The following RPN2 variants were observed in gnomAD, a reference collection of about 807,000 sequenced individuals.
The protein encoded by RPN2 is dolichyl-diphosphooligosaccharide--protein glycosyltransferase subunit 2.
A neutral mutation model predicts 71.4 loss-of-function variants in RPN2; 29 were observed. The ratio of observed to expected loss-of-function variants is 0.41; its 90% CI spans 0.30 to 0.55. RPN2 has a LOEUF of 0.55. Among genes scored for constraint, RPN2 ranks in the 20% least tolerant of loss-of-function variants. RPN2 has a pLI of 0.35. For missense variants in RPN2, 726 were observed against 774.1 expected (o/e 0.94, Z 0.74); for synonymous variants, 308 against 305.0 (o/e 1.01, Z -0.10).
In RPN2 at chr20:37,236,681, C is replaced by A. The variant is rs143714251; in HGVS notation, c.1855C>A (p.Arg619=). The part of the protein sequence containing the change: ...LGSVTFLAGN[R]MLAQQAVKRT... The stretch of plus-strand genomic sequence containing the variant: ...CAGTGTGACGTTTCTGGCTGGCAAT[C>A]GGATGCTGGCCCAGCAGGCAGTCAA... Residue 619 remains arginine (R), a synonymous_variant, in exon 16 of 17, where the codon CGG becomes AGG. Coordinates refer to ENST00000237530, the MANE Select transcript of RPN2 (RefSeq NM_002951.5). 4 of 1,614,046 alleles carry A rather than the reference C, an allele frequency of 2.5e-6. No individual in the cohort carries two copies. The Admixed American group carries it at 6.7e-5, about 27-fold the overall frequency.
chr20:37,217,395 T>C (rs2342977), intron 9 of RPN2, among the ~76,000 whole-genome samples: 123,854 of 151,298 alleles, frequency 0.82, 51,365 homozygotes, highest in Middle Eastern at 0.92. Flanking sequence ...TGGGTTCAAG[T>C]GATTTTCCTG....
At chr20:37,233,904 A>AG in intron 14 of RPN2, 116 bp from the exon 15 acceptor site, 2 of 1,107,558 alleles carry the variant, frequency 1.8e-6, no homozygotes, top group East Asian at 4.9e-5. Flanking sequence ...CTGTCCTTCT[A>AG]GGATGCATGA....
rs762193416 is a variant in RPN2, at chr20:37,210,054, T to C, written c.875T>C (p.Val292Ala). The C allele has an allele frequency of 2.8e-5, 45 of 1,613,916 alleles. 1 individual carries two copies. In the East Asian group the frequency reaches 9.1e-4, roughly 33 times the overall value. The part of the protein sequence containing the change: ...THEQAILRLQ[V>A]TNVLSQPLTQ... ...TTTTTTATTTATTTCCAGTTGCAAG[T>C]CACCAATGTTCTGTCTCAGCCTCTG... Residue 292 changes from valine (V) to alanine (A), a missense_variant, in exon 8 of 17, where the codon GTC (valine) becomes GCC (alanine). Transcript: ENST00000237530.
At chr20:37,199,427 A>G (rs1038887694) in intron 4 of RPN2, among the ~76,000 whole-genome samples, 6 of 152,262 alleles carry the variant, frequency 3.9e-5, no homozygotes, top group Non-Finnish European at 8.8e-5. Context: ...TCACATGGAC[A>G]CAGTCTTCTG....
intron 14 of RPN2, 78 bp from the exon 15 acceptor site, chr20:37,233,942 G>T (rs1426178047): frequency 1.3e-6 from 2 of 1,496,132 alleles, no homozygotes; most frequent in Admixed American, 1.7e-5. Context: ...CTGTTGATGG[G>T]ATTAGCATTG....
chr20:37,206,542 C>G (rs2067512722), intron 6 of RPN2, among the ~76,000 whole-genome samples: 1 of 152,078 alleles, frequency 6.6e-6, no homozygotes, highest in Non-Finnish European at 1.5e-5. Context: ...TTGATAATAG[C>G]AATCTTTTAT....
At chr20:37,240,789 T>C (rs2068530438) in intron 16 of RPN2, among the ~76,000 whole-genome samples, 1 of 152,222 alleles carries the variant, frequency 6.6e-6, no homozygotes. Context: ...GGTTAGATGC[T>C]GAGTGTGACT....
rs770485866 is a variant in RPN2, at chr20:37,184,174, C to G, written c.14-6C>G. Reference sequence around the variant, plus strand: ...AGAGTGTACTGAATGGTTGTTTCCCCCCAAGGTTCAAGCACTGTCTTCCTG... The same window carrying G: ...AGAGTGTACTGAATGGTTGTTTCCCGCCAAGGTTCAAGCACTGTCTTCCTG... On this transcript the variant is annotated splice_polypyrimidine_tract_variant and splice_region_variant and intron_variant, in intron 1 of 16. Transcript: ENST00000237530. The G allele has an allele frequency of 6.2e-7, 1 of 1,614,158 alleles. No individual in the cohort carries two copies. Among genetic ancestry groups the G allele is most frequent in the South Asian group, 1.1e-5 (1 of 91,080 alleles).
chr20:37,224,338 T>G (rs2068028107), intron 10 of RPN2, among the ~76,000 whole-genome samples: 1 of 152,242 alleles, frequency 6.6e-6, no homozygotes, highest in South Asian at 2.1e-4. Flanking sequence ...AAGCAAGGTA[T>G]TAATTTACAT....
intron 13 of RPN2, among the ~76,000 whole-genome samples, chr20:37,231,172 TC>T (rs989804053): frequency 6.6e-6 from 1 of 152,058 alleles, no homozygotes; most frequent in Non-Finnish European, 1.5e-5. Flanking sequence ...GTCATGGCCC[TC>T]CCCACCCCCA....
chr20:37,208,140 C>T (rs764758748), intron 7 of RPN2, among the ~76,000 whole-genome samples: 6 of 151,790 alleles, frequency 4.0e-5, no homozygotes, highest in African/African-American at 7.3e-5. Flanking sequence ...CCTGGTGGTG[C>T]GCACCTGTAG....
chr20:37,182,064 A>AT (rs1424186143), intron 1 of RPN2, among the ~76,000 whole-genome samples: 4 of 151,654 alleles, frequency 2.6e-5, no homozygotes, highest in Admixed American at 6.6e-5. Flanking sequence ...CACGTGATAG[A>AT]TTTTTTCTTT....
In RPN2 at chr20:37,241,411, T is replaced by G. The variant is rs780221831; in HGVS notation, c.*96T>G. On this transcript the variant is annotated 3_prime_UTR_variant, in exon 17 of 17. Coordinates refer to ENST00000237530, the MANE Select transcript of RPN2 (RefSeq NM_002951.5). ...AGAAGAAAAATGGAAAAAAAAAACT[T>G]TATTTAAAAAAGAAAAAAGTCCAGA... 6.9e-7 allele frequency: 1 copy of G among 1,450,336 alleles called. No homozygotes were observed. The highest frequency in any genetic ancestry group is 2.1e-5 in the Admixed American group (1 of 48,482). 89.8% of individuals were successfully genotyped at this position (1,450,336 alleles called of 1,614,324 possible). A position where few individuals can be genotyped will look rare whatever the true frequency, so the allele number is the denominator to read the frequency against.
chr20:37,209,994 T>G, intron 7 of RPN2, 53 bp from the exon 8 acceptor site: 2 of 1,605,646 alleles, frequency 1.2e-6, no homozygotes, highest in Non-Finnish European at 1.7e-6. Context: ...AGAAACAAAA[T>G]TCTCTGCTCC....
At chr20:37,212,305 C>A (rs1430066783) in intron 8 of RPN2, among the ~76,000 whole-genome samples, 4 of 151,824 alleles carry the variant, frequency 2.6e-5, no homozygotes, top group African/African-American at 9.7e-5. Context: ...AACTAAGGGT[C>A]AAGCTGGGCA....
intron 14 of RPN2, among the ~76,000 whole-genome samples, chr20:37,233,266 T>C (rs2068298355): frequency 6.6e-6 from 1 of 152,140 alleles, no homozygotes; most frequent in Admixed American, 6.6e-5. Flanking sequence ...TGGTCATCTC[T>C]GAGGAGTGGA....
chr20:37,232,435 G>T, intron 14 of RPN2, 44 bp downstream of exon 14: 2 of 1,607,080 alleles, frequency 1.2e-6, no homozygotes, highest in South Asian at 1.1e-5. Flanking sequence ...TCTGGCGCCA[G>T]ACCCAGCAGA....
intron 10 of RPN2, 104 bp from the exon 11 acceptor site, chr20:37,225,584 A>G (rs2068056140): frequency 3.8e-6 from 3 of 779,942 alleles, no homozygotes; most frequent in Non-Finnish European, 4.5e-6. Context: ...AAGTGTTACT[A>G]TGGGAGAGGG....
rs965381409 is a variant in RPN2, at chr20:37,184,574, C to T, written c.207+201C>T. On this transcript the variant is annotated intron_variant, in intron 2 of 16. Transcript: ENST00000237530. ...TTGGGAGGTCTAGGCAGGTGGATCA[C>T]GAGGTCAGGAGTTCGAGACCAGCCT... Among the ~76,000 whole-genome samples, 7 of 152,292 alleles carry T rather than the reference C, an allele frequency of 4.6e-5. No homozygotes were observed. The South Asian group carries it at 6.2e-4, about 14-fold the overall frequency.
Sources: gnomAD v4.1 joint callset for allele counts (sites outside exome capture counted in the v4.1 genomes callset) on GRCh38, gnomAD v4.1.1 for gene constraint, MANE v1.5 for transcripts, NCBI Gene and HGNC (gene_info 2026-07-23, HGNC 2026-07-21) for gene names.